Variants in ZFPM2 observed in about 807,000 individuals in gnomAD.
ZFPM2 encodes zinc finger protein, FOG family member 2, also known as zinc finger protein ZFPM2.
ZFPM2 carries 20 observed loss-of-function variants against 98.6 expected under a neutral mutation model. That is an observed-to-expected ratio of 0.20 (90% confidence interval 0.14 to 0.29). The LOEUF is 0.29. ZFPM2 is among the 10% of genes least tolerant of loss of function. The pLI is 1.00. For synonymous variants in ZFPM2, 518 were observed against 502.7 expected, an observed-to-expected ratio of 1.03 and a Z score of -0.41; for missense variants, 1,310 against 1,388.6, an observed-to-expected ratio of 0.94 and a Z score of 0.90.
chr8:105,678,105 A>T (rs986404360), intron 5 of ZFPM2, among the ~76,000 whole-genome samples: 1 of 152,182 alleles, frequency 6.6e-6, no homozygotes, highest in African/African-American at 2.4e-5. Context: ...TCACACACTG[A>T]CTTCCTGTCA....
intron 1 of ZFPM2, among the ~76,000 whole-genome samples, chr8:105,354,013 G>A (rs1158206415): frequency 6.6e-6 from 1 of 152,112 alleles, no homozygotes; most frequent in Non-Finnish European, 1.5e-5. Flanking sequence ...TCGTTGTCCA[G>A]ATGTGGTACT....
intron 1 of ZFPM2, among the ~76,000 whole-genome samples, chr8:105,393,337 C>CTGTCTGTCTGTCTTTCTTTCTTTCTTT (rs1554600680): frequency 1.7e-5 from 2 of 114,776 alleles, no homozygotes; most frequent in African/African-American, 6.4e-5. Context: ...TCTCTCTTTG[C>CTGTCTGTCTGTCTTTCTTTCTTTCTTT]CTTTCTTTCT....
chr8:105,598,516 G>T (rs2130779316), intron 4 of ZFPM2, among the ~76,000 whole-genome samples: 1 of 152,206 alleles, frequency 6.6e-6, no homozygotes, highest in Non-Finnish European at 1.5e-5. Flanking sequence ...CCAGGTAGAA[G>T]AGTTTTAAAA....
At chr8:105,547,467 G>A (rs367751258) in intron 3 of ZFPM2, among the ~76,000 whole-genome samples, 6 of 148,216 alleles carry the variant, frequency 4.0e-5, no homozygotes, top group South Asian at 2.2e-4. Context: ...GCTTGAACCC[G>A]GGAGGCGGAG....
Position 105,801,303 on chromosome 8 carries a change from C to T in ZFPM2, c.1221C>T (p.Ser407=), listed in dbSNP as rs753183594. ...MEHSPSATED[S]LQPATDLLTR... ...ACTCTCCAAGTGCAACTGAAGACAGCTTACAGCCAGCCACAGACTTATTGA... is the reference window on the plus strand; with the variant it reads ...ACTCTCCAAGTGCAACTGAAGACAGTTTACAGCCAGCCACAGACTTATTGA... The change falls in exon 8 of 8, where the codon AGC becomes AGT. Residue 407 remains serine (S), a synonymous_variant. Coordinates refer to ENST00000407775, the MANE Select transcript of ZFPM2 (RefSeq NM_012082.4). The T allele has an allele frequency of 1.2e-5, 19 of 1,613,934 alleles. No homozygotes were observed. Among genetic ancestry groups the T allele is most frequent in the Non-Finnish European group, 1.6e-5 (19 of 1,179,878 alleles).
intron 4 of ZFPM2, among the ~76,000 whole-genome samples, chr8:105,608,580 GTTTTTTTTTTTT>G (rs397978197): frequency 9.2e-6 from 1 of 108,748 alleles, no homozygotes; most frequent in Non-Finnish European, 1.8e-5. Context: ...AACACCAAGA[GTTTTTTTTTTTT>G]TTTTTTTTTT....
At chr8:105,378,962 AG>A (rs1285004926) in intron 1 of ZFPM2, among the ~76,000 whole-genome samples, 1 of 152,172 alleles carries the variant, frequency 6.6e-6, no homozygotes, top group Non-Finnish European at 1.5e-5. Flanking sequence ...AAATTGACAT[AG>A]ATGGTTAGAT....
chr8:105,626,258 A>G (rs914369184), intron 4 of ZFPM2, among the ~76,000 whole-genome samples: 2 of 152,188 alleles, frequency 1.3e-5, no homozygotes, highest in Non-Finnish European at 2.9e-5. Context: ...ATTCCTGGGC[A>G]TATTTTCCCC....
chr8:105,483,895 G>A (rs1022709033), intron 3 of ZFPM2, among the ~76,000 whole-genome samples: 5 of 151,174 alleles, frequency 3.3e-5, no homozygotes, highest in African/African-American at 9.7e-5. Flanking sequence ...CACCACGCCC[G>A]GCTAATTTTT....
At chr8:105,524,337 T>C (rs1218344895) in intron 3 of ZFPM2, among the ~76,000 whole-genome samples, 1 of 152,182 alleles carries the variant, frequency 6.6e-6, no homozygotes, top group Non-Finnish European at 1.5e-5. Context: ...TTTTTCTCCA[T>C]CATTTGCAGA....
chr8:105,690,234 A>G (rs1810845138), intron 5 of ZFPM2, among the ~76,000 whole-genome samples: 2 of 152,212 alleles, frequency 1.3e-5, no homozygotes. Flanking sequence ...GCATAATAAG[A>G]CTAATAACAA....
At chr8:105,764,910 C>T (rs1812823715) in intron 5 of ZFPM2, among the ~76,000 whole-genome samples, 1 of 151,746 alleles carries the variant, frequency 6.6e-6, no homozygotes, top group East Asian at 1.9e-4. Flanking sequence ...TTACCTGTCT[C>T]CACCTCTCTT....
chr8:105,774,355 A>C (rs1172674038), intron 5 of ZFPM2, among the ~76,000 whole-genome samples: 3 of 152,202 alleles, frequency 2.0e-5, no homozygotes, highest in Non-Finnish European at 4.4e-5. Context: ...TTATAATTAA[A>C]AAGCTTGACA....
chr8:105,787,595 CTCTAAGGGTGGAAAAAATGAAGTG>C, intron 5 of ZFPM2: 1 of 152,024 alleles, frequency 6.6e-6, no homozygotes, highest in African/African-American at 2.4e-5. Flanking sequence ...AAACCATGAG[CTCTAAGGGTGGAAAAAATGAAGTG>C]CAGTTGAAAA....
intron 3 of ZFPM2, among the ~76,000 whole-genome samples, chr8:105,536,387 A>C (rs1396126061): frequency 6.6e-6 from 1 of 152,126 alleles, no homozygotes; most frequent in East Asian, 1.9e-4. Context: ...TTCTTTGCTA[A>C]GTTTCTTTTC....
chr8:105,612,221 A>G (rs1816321855), intron 4 of ZFPM2, among the ~76,000 whole-genome samples: 1 of 152,168 alleles, frequency 6.6e-6, no homozygotes, highest in African/African-American at 2.4e-5. Flanking sequence ...CATTTGAGAA[A>G]TGCCATCTTA....
At chr8:105,665,534 G>A (rs767814581) in intron 5 of ZFPM2, among the ~76,000 whole-genome samples, 2 of 152,110 alleles carry the variant, frequency 1.3e-5, no homozygotes, top group African/African-American at 2.4e-5. Flanking sequence ...TGCATTCTCT[G>A]TTCAGGAATG....
intron 1 of ZFPM2, among the ~76,000 whole-genome samples, chr8:105,407,374 A>T (rs1374889812): frequency 6.6e-6 from 1 of 151,970 alleles, no homozygotes; most frequent in East Asian, 1.9e-4. Context: ...AAGAACAGTA[A>T]CAGAAACAAA....
chr8:105,639,553 T>C (rs1586167162), intron 5 of ZFPM2, among the ~76,000 whole-genome samples: 2 of 152,070 alleles, frequency 1.3e-5, no homozygotes, highest in African/African-American at 4.8e-5. Flanking sequence ...TGTGTAACCT[T>C]AGACAAATCA....
Sources: allele counts gnomAD v4.1 joint callset (sites outside exome capture counted in the v4.1 genomes callset), GRCh38; gene constraint gnomAD v4.1.1; transcripts MANE v1.5; gene names NCBI Gene and HGNC (gene_info 2026-07-23, HGNC 2026-07-21).